Variants in MAGI1 observed in about 807,000 individuals in gnomAD.
MAGI1 encodes the protein membrane associated guanylate kinase, WW and PDZ domain containing 1.
In MAGI1, 58 loss-of-function variants were observed where a neutral mutation model predicts 139.9. The observed-to-expected ratio is 0.41, with a 90% CI of 0.34 to 0.52. The LOEUF (loss-of-function observed/expected upper bound fraction) is 0.52. Ranked by LOEUF, MAGI1 falls within the 20% of genes least tolerant of loss-of-function variation. MAGI1 has a pLI of 0.12. For synonymous variants in MAGI1, 812 were observed against 737.9 expected (o/e 1.10, Z -1.63); for missense variants, 1,874 against 1,901.6 (o/e 0.99, Z 0.27).
At chr3:65,828,993 C>G (rs914079949) in intron 1 of MAGI1, among the ~76,000 whole-genome samples, 1 of 152,130 alleles carries the variant, frequency 6.6e-6, no homozygotes, top group African/African-American at 2.4e-5. Context: ...CTTGGTACCA[C>G]AACCACAATG....
chr3:66,027,989 G>T (rs375881600), intron 1 of MAGI1, among the ~76,000 whole-genome samples: 2 of 152,140 alleles, frequency 1.3e-5, no homozygotes, highest in African/African-American at 4.8e-5. Flanking sequence ...ACTAACTGAC[G>T]TACCTCCATT....
intron 1 of MAGI1, among the ~76,000 whole-genome samples, chr3:65,691,227 C>T (rs893377154): frequency 8.7e-5 from 13 of 148,918 alleles, no homozygotes; most frequent in Non-Finnish European, 1.5e-4. Flanking sequence ...GGTGTGAACC[C>T]GGGAGGAGGA....
chr3:65,359,081 C>T, intron 22 of MAGI1: 1 of 1,613,944 alleles, frequency 6.2e-7, no homozygotes, highest in Non-Finnish European at 8.5e-7. Flanking sequence ...TGATTATGGC[C>T]CATAAGGTAG....
At chr3:65,481,093 T>G (rs765225060) in intron 3 of MAGI1, among the ~76,000 whole-genome samples, 20 of 152,304 alleles carry the variant, frequency 1.3e-4, no homozygotes, top group South Asian at 4.1e-4. Context: ...GGTAGAAACC[T>G]GATACGCACA....
intron 4 of MAGI1, 24 bp from the exon 5 acceptor site, chr3:65,470,508 A>T (rs1950491503): frequency 7.1e-6 from 8 of 1,125,662 alleles, no homozygotes; most frequent in Non-Finnish European, 8.6e-6. Flanking sequence ...TGAAGAGGTG[A>T]GAGAGAGAGA....
At chr3:65,416,088 G>T (rs1270237192) in intron 12 of MAGI1, among the ~76,000 whole-genome samples, 1 of 152,186 alleles carries the variant, frequency 6.6e-6, no homozygotes, top group Non-Finnish European at 1.5e-5. Context: ...AGAGCGTGTA[G>T]ACCTAATTCC....
At chr3:65,894,983 T>C (rs2060913131) in intron 1 of MAGI1, among the ~76,000 whole-genome samples, 1 of 152,226 alleles carries the variant, frequency 6.6e-6, no homozygotes, top group Non-Finnish European at 1.5e-5. Flanking sequence ...CCCATCACTG[T>C]GGCATTTCCA....
intron 1 of MAGI1, among the ~76,000 whole-genome samples, chr3:65,894,448 C>A (rs2060889435): frequency 6.6e-6 from 1 of 152,088 alleles, no homozygotes; most frequent in Non-Finnish European, 1.5e-5. Context: ...GTGAACCATT[C>A]CACCAAAAAT....
At chr3:65,964,128 C>G (rs746148425) in intron 1 of MAGI1, among the ~76,000 whole-genome samples, 1 of 152,174 alleles carries the variant, frequency 6.6e-6, no homozygotes, top group Non-Finnish European at 1.5e-5. Context: ...AATTTTAACC[C>G]ATTAAGCACA....
chr3:65,432,703 G>T (rs57046243), intron 10 of MAGI1, among the ~76,000 whole-genome samples: 2,706 of 152,248 alleles, frequency 0.018, 74 homozygotes, highest in African/African-American at 0.062. Flanking sequence ...GCTTTGGGGA[G>T]ACAGCTGCCA....
chr3:66,016,893 A>G (rs1220666419), intron 1 of MAGI1, among the ~76,000 whole-genome samples: 2 of 152,230 alleles, frequency 1.3e-5, no homozygotes, highest in Non-Finnish European at 2.9e-5. Context: ...AGCCAGTCGC[A>G]AAAGGGTAAA....
At chr3:65,537,597 G>A (rs759785288) in intron 2 of MAGI1, among the ~76,000 whole-genome samples, 1 of 152,138 alleles carries the variant, frequency 6.6e-6, no homozygotes, top group Non-Finnish European at 1.5e-5. Flanking sequence ...CTCTGAACAA[G>A]AGTCTTCAGA....
At chr3:65,755,886 TATAAACACTG>T (rs1196876516) in intron 1 of MAGI1, among the ~76,000 whole-genome samples, 1 of 152,202 alleles carries the variant, frequency 6.6e-6, no homozygotes, top group African/African-American at 2.4e-5. Context: ...CATGCTGCAA[TATAAACACTG>T]AATAATCTAA....
At chr3:65,519,677 C>T (rs2078066917) in intron 2 of MAGI1, among the ~76,000 whole-genome samples, 1 of 152,220 alleles carries the variant, frequency 6.6e-6, no homozygotes, top group African/African-American at 2.4e-5. Context: ...AGCCACCTCA[C>T]CTGGCCCTGA....
intron 1 of MAGI1, among the ~76,000 whole-genome samples, chr3:65,908,279 C>T (rs941710367): frequency 6.6e-6 from 1 of 152,094 alleles, no homozygotes. Context: ...CTTCTCTCTG[C>T]CAATACTGTC....
chr3:65,364,391 T>C (rs1344433625), intron 20 of MAGI1, among the ~76,000 whole-genome samples: 3 of 152,116 alleles, frequency 2.0e-5, no homozygotes, highest in Non-Finnish European at 4.4e-5. Context: ...GAGTAGATAT[T>C]GGTTGCTTTG....
intron 1 of MAGI1, among the ~76,000 whole-genome samples, chr3:65,699,867 T>G (rs2089477586): frequency 6.7e-6 from 1 of 148,636 alleles, no homozygotes; most frequent in Non-Finnish European, 1.5e-5. Flanking sequence ...CCCTAAAACT[T>G]AAAGTATAAT....
At chr3:65,832,983 C>A (rs1220646933) in intron 1 of MAGI1, among the ~76,000 whole-genome samples, 1 of 152,160 alleles carries the variant, frequency 6.6e-6, no homozygotes. Flanking sequence ...AAGAATTCTA[C>A]AATGGTGCAA....
intron 1 of MAGI1, among the ~76,000 whole-genome samples, chr3:65,889,328 T>C (rs750178796): frequency 6.6e-6 from 1 of 152,218 alleles, no homozygotes; most frequent in Non-Finnish European, 1.5e-5. Context: ...CAAGAACCCC[T>C]TCTGTTTCTG....
Sources: gnomAD v4.1 joint callset for allele counts (sites outside exome capture counted in the v4.1 genomes callset) on GRCh38, gnomAD v4.1.1 for gene constraint, MANE v1.5 for transcripts, NCBI Gene and HGNC (gene_info 2026-07-23, HGNC 2026-07-21) for gene names.